The following LRP1B variants were observed in gnomAD, a reference collection of about 807,000 sequenced individuals.
LRP1B encodes the protein LDL receptor related protein 1B, also known as low-density lipoprotein receptor-related protein 1B.
LRP1B carries 217 observed loss-of-function variants against 556.6 expected under a neutral mutation model. The ratio of observed to expected loss-of-function variants is 0.39; its 90% CI spans 0.35 to 0.44. The LOEUF (loss-of-function observed/expected upper bound fraction) is 0.44. LRP1B is among the 20% of genes least tolerant of loss of function. LRP1B has a pLI of 1.00. For synonymous variants in LRP1B, 2,047 were observed against 1,865.8 expected (o/e 1.10, Z -2.50); for missense variants, 5,053 against 5,620.8 (o/e 0.90, Z 3.23).
chr2:141,092,025 G>C (rs1700183083), intron 7 of LRP1B, among the ~76,000 whole-genome samples: 1 of 152,156 alleles, frequency 6.6e-6, no homozygotes, highest in South Asian at 2.1e-4. Flanking sequence ...TGTTTAATAT[G>C]AGAAGTATTT....
intron 11 of LRP1B, among the ~76,000 whole-genome samples, chr2:141,026,070 A>G (rs950546429): frequency 1.3e-5 from 2 of 152,188 alleles, no homozygotes; most frequent in East Asian, 1.9e-4. Context: ...AACTCTGCCT[A>G]TCAAGAGAAA....
At chr2:141,106,442 A>G (rs1379846941) in intron 7 of LRP1B, among the ~76,000 whole-genome samples, 1 of 152,186 alleles carries the variant, frequency 6.6e-6, no homozygotes, top group Non-Finnish European at 1.5e-5. Flanking sequence ...TAAATAAATA[A>G]AAGTTATAAC....
chr2:140,861,304 G>A (rs2105141399), intron 27 of LRP1B, among the ~76,000 whole-genome samples: 1 of 152,294 alleles, frequency 6.6e-6, no homozygotes, highest in African/African-American at 2.4e-5. Flanking sequence ...CTACTTGGGA[G>A]GCAGAGGCTG....
intron 2 of LRP1B, among the ~76,000 whole-genome samples, chr2:141,736,744 G>A (rs1693480514): frequency 6.6e-6 from 1 of 152,142 alleles, no homozygotes; most frequent in African/African-American, 2.4e-5. Context: ...CTTCCCAGGA[G>A]TCATTTGCAT....
At position 140,492,677 on chromosome 2, in the gene LRP1B, TA is replaced by T; in HGVS notation, c.9050del (p.Leu3017Ter). 6.2e-7 allele frequency: 1 copy of T among 1,612,006 alleles called. No homozygotes were observed. Among genetic ancestry groups the T allele is most frequent in the Non-Finnish European group, 8.5e-7 (1 of 1,178,266 alleles). On this transcript the variant is annotated frameshift_variant, in exon 57 of 91. Transcript: ENST00000389484. LOFTEE classifies it high-confidence loss of function. ...TTATCTCATGATGATCAGCAAGAATTAAAAAAGGTTCTTCATCTAAACACCA... is the reference window on the plus strand; with the variant it reads ...TTATCTCATGATGATCAGCAAGAATTAAAAAGGTTCTTCATCTAAACACCA... ...CKSLSDEEPF[L>X]ILADHHEIRK...
At chr2:141,914,010 T>C (rs1017546564) in intron 1 of LRP1B, among the ~76,000 whole-genome samples, 4 of 152,148 alleles carry the variant, frequency 2.6e-5, no homozygotes, top group Non-Finnish European at 5.9e-5. Context: ...CCTCCCAAAG[T>C]GCTGGGATTA....
chr2:141,446,248 CT>C lies in LRP1B; in HGVS notation c.343+34147del, dbSNP rs1161752616. Among the ~76,000 whole-genome samples the C allele has an allele frequency of 8.6e-4, 130 of 151,464 alleles. 1 individual carries two copies. The highest frequency in any genetic ancestry group is 3.5e-4 in the Non-Finnish European group (24 of 67,780). On this transcript the variant is annotated intron_variant, in intron 3 of 90. Coordinates refer to ENST00000389484, the MANE Select transcript of LRP1B (RefSeq NM_018557.3). ...ATTGCAACCCCTGCTCTTTTTTTTG[CT>C]TTTGATTTGTTTGGTAAATATTCCT...
In LRP1B at chr2:141,215,513, A is replaced by T. The variant is rs114183154; in HGVS notation, c.850+13670T>A. Among the ~76,000 whole-genome samples, 1,075 of 152,294 alleles carry T rather than the reference A, an allele frequency of 7.1e-3. 10 individuals are homozygous for T. The highest frequency in any genetic ancestry group is 0.024 in the African/African-American group (990 of 41,568). On this transcript the variant is annotated intron_variant, in intron 6 of 90. Coordinates refer to ENST00000389484, the MANE Select transcript of LRP1B (RefSeq NM_018557.3). ...AGAGGGCTCAGAAGAAGACAAGAAG[A>T]TGAGAGATGGCTTGAAATTTCTTAG...
chr2:140,700,821 T>C (rs1232048270), intron 40 of LRP1B, among the ~76,000 whole-genome samples, 200 bp from the exon 41 acceptor site: 1 of 152,154 alleles, frequency 6.6e-6, no homozygotes, highest in Non-Finnish European at 1.5e-5. Flanking sequence ...GTTTCTTTAT[T>C]TGGAAAATCA....
intron 23 of LRP1B, among the ~76,000 whole-genome samples, chr2:140,894,870 G>A (rs1693905009): frequency 6.6e-6 from 1 of 151,880 alleles, no homozygotes; most frequent in South Asian, 2.1e-4. Context: ...TTGAACCTGG[G>A]AGGCAGAGGT....
intron 18 of LRP1B, among the ~76,000 whole-genome samples, chr2:140,974,843 C>T (rs1696544036): frequency 6.6e-6 from 1 of 152,266 alleles, no homozygotes; most frequent in South Asian, 2.1e-4. Context: ...AGTGGACCAA[C>T]CTGTGGAGAG....
At chr2:141,557,861 G>C (rs1466466981) in intron 2 of LRP1B, among the ~76,000 whole-genome samples, 2 of 151,840 alleles carry the variant, frequency 1.3e-5, no homozygotes, top group Non-Finnish European at 2.9e-5. Context: ...CTACATGTGG[G>C]TACCATAACC....
intron 47 of LRP1B, among the ~76,000 whole-genome samples, chr2:140,526,891 G>T (rs1690461926): frequency 6.6e-6 from 1 of 151,690 alleles, no homozygotes; most frequent in South Asian, 2.1e-4. Context: ...GATGGGCAGG[G>T]GGGAACCACT....
At chr2:141,432,151 G>T (rs929000369) in intron 3 of LRP1B, among the ~76,000 whole-genome samples, 1 of 151,924 alleles carries the variant, frequency 6.6e-6, no homozygotes, top group African/African-American at 2.4e-5. Flanking sequence ...GTTTACTGAG[G>T]AATTTTCATA....
chr2:141,846,772 A>C (rs1697659224), intron 1 of LRP1B, among the ~76,000 whole-genome samples: 1 of 151,434 alleles, frequency 6.6e-6, no homozygotes, highest in Admixed American at 6.6e-5. Flanking sequence ...AAAACATAGG[A>C]TCGTGAACGA....
intron 2 of LRP1B, among the ~76,000 whole-genome samples, chr2:141,510,916 C>T (rs963323432): frequency 7.1e-6 from 1 of 140,006 alleles, no homozygotes; most frequent in African/African-American, 2.8e-5. Context: ...ACACCCCACA[C>T]AAACATACAC....
At chr2:141,943,893 G>A (rs1328774182) in intron 1 of LRP1B, among the ~76,000 whole-genome samples, 9 of 152,184 alleles carry the variant, frequency 5.9e-5, no homozygotes, top group East Asian at 3.9e-4. Flanking sequence ...GGAATTATTG[G>A]GCAAATAGGT....
chr2:140,916,362 A>G (rs2105246817), intron 21 of LRP1B, among the ~76,000 whole-genome samples: 1 of 152,338 alleles, frequency 6.6e-6, no homozygotes, highest in East Asian at 1.9e-4. Flanking sequence ...CACTGATACA[A>G]CAATAGGGGA....
intron 39 of LRP1B, 82 bp from the exon 40 acceptor site, chr2:140,701,927 T>G: frequency 6.4e-7 from 1 of 1,550,862 alleles, no homozygotes. Context: ...AGATAACAGA[T>G]GGACCAACAG....
Sources: gnomAD v4.1 joint callset for allele counts (sites outside exome capture counted in the v4.1 genomes callset) on GRCh38, gnomAD v4.1.1 for gene constraint, MANE v1.5 for transcripts, NCBI Gene and HGNC (gene_info 2026-07-23, HGNC 2026-07-21) for gene names.